Variants in CD200 observed in about 807,000 individuals in gnomAD.
The protein encoded by CD200 is CD200 molecule.
In CD200, 15 loss-of-function variants were observed where a neutral mutation model predicts 30.9. The observed-to-expected ratio is 0.49, with a 90% CI of 0.32 to 0.75. The LOEUF (loss-of-function observed/expected upper bound fraction) is 0.75. Among genes scored for constraint, CD200 ranks in the 30% least tolerant of loss-of-function variants. The probability of loss-of-function intolerance (pLI) is 0.03; values close to 1 mark genes in which losing one functional copy is unlikely to be tolerated. For synonymous variants in CD200, 134 were observed against 126.2 expected (o/e 1.06, Z -0.41); for missense variants, 262 against 324.2 (o/e 0.81, Z 1.47).
intron 3 of CD200, 143 bp downstream of exon 3, chr3:112,345,431 G>A (rs573610876): frequency 1.4e-5 from 9 of 660,164 alleles, no homozygotes; most frequent in South Asian, 1.4e-4. Context: ...TACTATAGCT[G>A]TGTTTATGAT....
upstream of CD200, chr3:112,332,903 G>A: frequency 2.4e-6 from 1 of 414,140 alleles, no homozygotes; most frequent in African/African-American, 2.2e-5. Flanking sequence ...CCAGGTAGCA[G>A]GAAAATGGAA....
chr3:112,355,627 T>C (rs2081610391), intron 5 of CD200, among the ~76,000 whole-genome samples: 1 of 152,168 alleles, frequency 6.6e-6, no homozygotes, highest in East Asian at 1.9e-4. Flanking sequence ...AAACCGGGAA[T>C]TTCTCAGTCC....
At chr3:112,348,239 G>T (rs190440672) in intron 4 of CD200, among the ~76,000 whole-genome samples, 152 of 152,302 alleles carry the variant, frequency 1.0e-3, no homozygotes, top group African/African-American at 3.5e-3. Context: ...ACATTCTCCA[G>T]TGAGAAAGCT....
chr3:112,358,365 TG>T (rs2081668247), intron 5 of CD200, among the ~76,000 whole-genome samples: 2 of 124,786 alleles, frequency 1.6e-5, no homozygotes, highest in South Asian at 5.3e-4. Context: ...GGGAGAAATT[TG>T]TGGGGACCCA....
At position 112,354,898 on chromosome 3, in the gene CD200, CCA is replaced by C. The variant is rs575394286; in HGVS notation, c.802+5080_802+5081del. Among the ~76,000 whole-genome samples, 405 of 152,242 alleles carry C rather than the reference CCA, an allele frequency of 2.7e-3. 1 individual carries two copies. The highest frequency in any genetic ancestry group is 8.9e-3 in the African/African-American group (368 of 41,550). On this transcript the variant is annotated intron_variant, in intron 5 of 5. Coordinates refer to ENST00000315711, the MANE Select transcript of CD200 (RefSeq NM_005944.7). ...CTTGCATCTTCAAAACCAACAATGT[CCA>C]GTTGAGTCTTTTTCACACTGAATCA... is the stretch of plus-strand genomic sequence containing the variant.
At chr3:112,356,440 A>C (rs922908022) in intron 5 of CD200, among the ~76,000 whole-genome samples, 1 of 152,222 alleles carries the variant, frequency 6.6e-6, no homozygotes, top group African/African-American at 2.4e-5. Flanking sequence ...GGAATGGCTA[A>C]ATCAAGCTAC....
rs547942198 is a variant in CD200 at position 112,340,137 on chromosome 3, G to GA, written c.13-759dup. 2.8e-3 allele frequency among the ~76,000 whole-genome samples: 420 copies of GA among 152,118 alleles called. 2 individuals are homozygous for GA. Among genetic ancestry groups the GA allele is most frequent in the Non-Finnish European group, 3.6e-3 (247 of 67,978 alleles). On this transcript the variant is annotated intron_variant, in intron 1 of 5. Transcript: ENST00000315711. ...CTCTATTATGAAAAATAGAAATATA[G>GA]AAAAAATAAAGGAAAAAGTTACATT... is the stretch of plus-strand genomic sequence containing the variant.
chr3:112,334,298 G>A, intron 1 of CD200: 1 of 975,990 alleles, frequency 1.0e-6, no homozygotes, highest in Non-Finnish European at 1.2e-6. Flanking sequence ...GTGGGCAGCT[G>A]TCTGGTAAGA....
chr3:112,352,788 G>A (rs1260225594), intron 5 of CD200, among the ~76,000 whole-genome samples: 1 of 152,154 alleles, frequency 6.6e-6, no homozygotes, highest in Non-Finnish European at 1.5e-5. Context: ...GCTCACAAAT[G>A]CCTAAGCAAA....
intron 3 of CD200, among the ~76,000 whole-genome samples, chr3:112,346,918 C>T (rs2081409257): frequency 6.6e-6 from 1 of 152,182 alleles, no homozygotes; most frequent in African/African-American, 2.4e-5. Context: ...AGGTGATTTC[C>T]AGTGCTCTTC....
intron 5 of CD200, among the ~76,000 whole-genome samples, chr3:112,359,721 T>C (rs62264135): frequency 0.23 from 35,124 of 152,156 alleles, 4,343 homozygotes; most frequent in Non-Finnish European, 0.28. Context: ...CAGGACCTTG[T>C]CATTTTAATG....
chr3:112,333,856 G>C (rs545626263), intron 1 of CD200: 3 of 985,406 alleles, frequency 3.0e-6, no homozygotes, highest in African/African-American at 3.5e-5. Context: ...TTAACCCCGG[G>C]TATCTAGAGA....
Position 112,333,191 on chromosome 3 carries a change from G to C in CD200, c.-22G>C. ...GCGCACATCCGCAGTCAGCCACCTC[G>C]CGCGCGCCTCCAGGAGCAAGGATGG... On this transcript the variant is annotated 5_prime_UTR_variant, in exon 1 of 6. Transcript: ENST00000315711. 1 of 1,549,558 alleles carries C rather than the reference G, an allele frequency of 6.5e-7. No homozygotes were observed.
At chr3:112,344,101 T>C (rs2081329919) in intron 2 of CD200, among the ~76,000 whole-genome samples, 1 of 152,234 alleles carries the variant, frequency 6.6e-6, no homozygotes, top group East Asian at 1.9e-4. Flanking sequence ...CTATTCATAA[T>C]GCTTTTATTA....
chr3:112,356,459 T>G (rs1479451093), intron 5 of CD200, among the ~76,000 whole-genome samples: 1 of 152,226 alleles, frequency 6.6e-6, no homozygotes, highest in Non-Finnish European at 1.5e-5. Flanking sequence ...ACTTAACATG[T>G]GCATTGCCTC....
intron 5 of CD200, among the ~76,000 whole-genome samples, chr3:112,356,749 T>A (rs144563265): frequency 1.4e-3 from 210 of 152,370 alleles, no homozygotes; most frequent in African/African-American, 4.7e-3. Context: ...ATAAAATTGG[T>A]TGTTTTCTAG....
chr3:112,344,962 T>C lies in CD200; in HGVS notation c.95T>C (p.Val32Ala), dbSNP rs758099365. 9 of 1,605,668 alleles carry C rather than the reference T, an allele frequency of 5.6e-6. No homozygotes were observed. The South Asian group carries it at 1.0e-4, about 18-fold the overall frequency. The change falls in exon 3 of 6, where the codon GTG (valine) becomes GCG (alanine). Residue 32 changes from valine (V) to alanine (A), a missense_variant and splice_region_variant. By Grantham distance (64) the Val-to-Ala change is moderately conservative (BLOSUM62 0). Coordinates refer to ENST00000315711, the MANE Select transcript of CD200 (RefSeq NM_005944.7). Reference protein sequence around the residue: ...MAAVVLCTAQVQVVTQDEREQ... With the variant: ...MAAVVLCTAQAQVVTQDEREQ... The stretch of plus-strand genomic sequence containing the variant: ...TAAATGTTCTTTTATGATTCCATAG[T>C]GCAAGTGGTGACCCAGGATGAAAGA...
chr3:112,347,417 AG>A (rs550433939), intron 3 of CD200, 140 bp from the exon 4 acceptor site: 5 of 821,010 alleles, frequency 6.1e-6, no homozygotes, highest in Non-Finnish European at 9.7e-6. Flanking sequence ...GAAAGTCCCC[AG>A]TTTGGGTAGG....
At chr3:112,342,381 CTTTCTTTCTTTCTTTCTTTCT>C (rs2081279732) in intron 2 of CD200, among the ~76,000 whole-genome samples, 1 of 41,946 alleles carries the variant, frequency 2.4e-5, no homozygotes, top group African/African-American at 8.4e-5. Flanking sequence ...TTCTTTCTTT[CTTTCTTTCTTTCTTTCTTTCT>C]TTCTTTCTTT....
Sources: gnomAD v4.1 joint callset for allele counts (sites outside exome capture counted in the v4.1 genomes callset) on GRCh38, gnomAD v4.1.1 for gene constraint, MANE v1.5 for transcripts, NCBI Gene and HGNC (gene_info 2026-07-23, HGNC 2026-07-21) for gene names.